Variants in PSG7 observed in about 807,000 individuals in gnomAD.
The protein encoded by PSG7 is pregnancy specific beta-1-glycoprotein 7, also known as pregnancy-specific beta-1-glycoprotein 7.
PSG7 carries 57 observed loss-of-function variants against 45.6 expected under a neutral mutation model. The ratio of observed to expected loss-of-function variants is 1.25; its 90% CI spans 1.01 to 1.56. PSG7 has a LOEUF of 1.56. Ranked by LOEUF, PSG7 falls within the 40% of genes most tolerant of loss-of-function variation. The pLI is 0.00. For missense variants in PSG7, 796 were observed against 508.4 expected (o/e 1.57, Z -5.44); for synonymous variants, 298 against 194.4 (o/e 1.53, Z -4.43).
Position 42,933,289 on chromosome 19 carries a change from A to ATTT in PSG7, c.430+2114_430+2115insAAA, listed in dbSNP as rs1973066872. ...TCAATATATATATATATATATATAT[A>ATTT]TATATATATATATATATATTTTTTT... is the stretch of plus-strand genomic sequence containing the variant. On this transcript the variant is annotated intron_variant, in intron 2 of 5. Coordinates refer to ENST00000406070, the MANE Select transcript of PSG7 (RefSeq NM_002783.3). Among the ~76,000 whole-genome samples the ATTT allele has an allele frequency of 2.2e-4, 2 of 8,916 alleles. 1 individual carries two copies. The highest frequency in any genetic ancestry group is 6.7e-4 in the African/African-American group (2 of 2,966). The allele number at this position is 8,916 out of a possible 152,430, so 5.8% of individuals were successfully genotyped here.
At chr19:42,933,759 G>T (rs1343996862) in intron 2 of PSG7, among the ~76,000 whole-genome samples, 6 of 151,060 alleles carry the variant, frequency 4.0e-5, no homozygotes, top group African/African-American at 1.5e-4. Flanking sequence ...AGCAGTGAGG[G>T]CTACACTGAC....
rs768161741 is a variant in PSG7, at chr19:42,924,821, C to G, written c.1247G>C (p.Trp416Ser). The part of the protein sequence containing the change: ...SKSVTVRVSD[W>S]TLP Reference sequence around the variant, plus strand: ...AACTAGTAGAATTCAGGGTAATGTCCAGTCTACAGTGGATAATAAAAACAC... The same window carrying G: ...AACTAGTAGAATTCAGGGTAATGTCGAGTCTACAGTGGATAATAAAAACAC... The change falls in exon 6 of 6, where the codon TGG (tryptophan) becomes TCG (serine). Residue 416 changes from tryptophan (W) to serine (S), a missense_variant. Transcript: ENST00000406070. The G allele has an allele frequency of 2.7e-6, 2 of 754,034 alleles. No individual in the cohort carries two copies. Among genetic ancestry groups the G allele is most frequent in the East Asian group, 4.9e-5 (2 of 41,148 alleles). 46.7% of individuals were successfully genotyped at this position (754,034 alleles called of 1,614,324 possible).
At chr19:42,927,566 T>G (rs1972924589) in intron 3 of PSG7, 1 of 151,662 alleles carries the variant, frequency 6.6e-6, no homozygotes, top group Admixed American at 6.6e-5. Context: ...AGTGTGGGAA[T>G]GAACTGCTGG....
chr19:42,935,871 A>AGGAC, intron 1 of PSG7, 102 bp from the exon 2 acceptor site: 1 of 999,726 alleles, frequency 1.0e-6, no homozygotes, highest in Non-Finnish European at 1.4e-6. Flanking sequence ...CTCAGCCTTG[A>AGGAC]AGACACACAC....
In PSG7 at chr19:42,935,714, G is replaced by C; in HGVS notation, c.120C>G (p.Ala40=). ...TCCCCTCGGAAACTTTTGGTGGCTG[G>C]GCTTCAATCGTGACTTGGGCTGTGG... The part of the protein sequence containing the change: ...PPTTAQVTIE[A]QPPKVSEGKD... Residue 40 remains alanine (A), a synonymous_variant, in exon 2 of 6, where the codon GCC becomes GCG. Coordinates refer to ENST00000406070, the MANE Select transcript of PSG7 (RefSeq NM_002783.3). 6.2e-7 allele frequency: 1 copy of C among 1,611,822 alleles called. No individual in the cohort carries two copies.
At chr19:42,926,204 G>T in intron 4 of PSG7, 177 bp from the exon 5 acceptor site, 1 of 1,394,018 alleles carries the variant, frequency 7.2e-7, no homozygotes, top group South Asian at 1.5e-5. Flanking sequence ...CCCATCACAA[G>T]CTGTGGGCCC....
rs114324673 is a variant in PSG7, at chr19:42,934,262, A to T, written c.430+1142T>A. Among the ~76,000 whole-genome samples, 1,373 of 151,412 alleles carry T rather than the reference A, an allele frequency of 9.1e-3. 55 individuals are homozygous for T. Among genetic ancestry groups the T allele is most frequent in the African/African-American group, 0.031 (1,280 of 41,250 alleles). On this transcript the variant is annotated intron_variant, in intron 2 of 5. Coordinates refer to ENST00000406070, the MANE Select transcript of PSG7 (RefSeq NM_002783.3). Reference sequence around the variant, plus strand: ...GTTGAGGCAGCTGATTTAGTTCTGGAGTGCAGACTAATCAGGTGACCACTT... The same window carrying T: ...GTTGAGGCAGCTGATTTAGTTCTGGTGTGCAGACTAATCAGGTGACCACTT...
Position 42,929,938 on chromosome 19 carries a change from G to A in PSG7, c.431-218C>T, listed in dbSNP as rs188458269. On this transcript the variant is annotated intron_variant, in intron 2 of 5. Transcript: ENST00000406070. ...GTGGGAGAAGCATGGACTTTCTCAA[G>A]TGTGAATTGAGCAGCAGCATTGGGT... is the stretch of plus-strand genomic sequence containing the variant. Among the ~76,000 whole-genome samples the A allele has an allele frequency of 2.5e-3, 378 of 151,686 alleles. 12 individuals are homozygous for A. The highest frequency in any genetic ancestry group is 7.5e-3 in the African/African-American group (309 of 41,312).
intron 3 of PSG7, among the ~76,000 whole-genome samples, chr19:42,927,986 C>T (rs946653429): frequency 1.3e-5 from 2 of 151,654 alleles, no homozygotes; most frequent in Non-Finnish European, 2.9e-5. Flanking sequence ...CTGATAGATT[C>T]AAAGTCTAAG....
intron 1 of PSG7, 25 bp downstream of exon 1, chr19:42,936,988 C>G: frequency 6.2e-7 from 1 of 1,609,194 alleles, no homozygotes; most frequent in Non-Finnish European, 8.5e-7. Context: ...TTTTCCTGTC[C>G]TCTCCCAGGA....
At chr19:42,936,083 G>A (rs1251810964) in intron 1 of PSG7, 4 of 364,660 alleles carry the variant, frequency 1.1e-5, no homozygotes, top group Non-Finnish European at 1.9e-5. Flanking sequence ...CCTCCACACT[G>A]CCCTCAGGTT....
At position 42,929,235 on chromosome 19, in the gene PSG7, T is replaced by C. The variant is rs1255726863; in HGVS notation, c.709+207A>G. 5.0e-6 allele frequency: 6 copies of C among 1,206,706 alleles called. 1 individual carries two copies. The African/African-American group carries it at 9.2e-5, about 18-fold the overall frequency. 74.7% of individuals were successfully genotyped at this position (1,206,706 alleles called of 1,614,324 possible). A position where few individuals can be genotyped will look rare whatever the true frequency, so the allele number is the denominator to read the frequency against. ...CATCACAAGCTGTGGACCCTGAGTC[T>C]CCCATGACAGGAGCAGCCTCTTTTC... On this transcript the variant is annotated intron_variant, in intron 3 of 5. Coordinates refer to ENST00000406070, the MANE Select transcript of PSG7 (RefSeq NM_002783.3).
Position 42,935,539 on chromosome 19 carries a change from C to A in PSG7, c.295G>T (p.Glu99Ter), listed in dbSNP as rs1973129013. 4 of 1,611,998 alleles carry A rather than the reference C, an allele frequency of 2.5e-6. No individual in the cohort carries two copies. The South Asian group carries it at 4.4e-5, about 18-fold the overall frequency. The change falls in exon 2 of 6, where the codon GAA becomes TAA. Residue 99 changes from glutamate to a stop codon, truncating the protein, a stop_gained. Coordinates refer to ENST00000406070, the MANE Select transcript of PSG7 (RefSeq NM_002783.3). LOFTEE classifies it high-confidence loss of function. ...IKYGPAYSGR[E>*]TVYSNASLLI... is the part of the protein sequence containing the mutation. ...AGGGATGCATTGGAATATACTGTTT[C>A]TCGTCCACTGTATGCAGGCCCATAT...
chr19:42,935,208 T>C (rs1973119242), intron 2 of PSG7, among the ~76,000 whole-genome samples, 196 bp downstream of exon 2: 1 of 151,824 alleles, frequency 6.6e-6, no homozygotes, highest in African/African-American at 2.4e-5. Context: ...TTCTGCAGGG[T>C]CTGGATGTGA....
chr19:42,931,566 C>G (rs780158299), intron 2 of PSG7, among the ~76,000 whole-genome samples: 10 of 151,542 alleles, frequency 6.6e-5, no homozygotes, highest in Non-Finnish European at 1.2e-4. Flanking sequence ...TTCATTTTCT[C>G]TTAAGCTCAG....
intron 2 of PSG7, among the ~76,000 whole-genome samples, chr19:42,930,471 C>T (rs1234498376): frequency 1.3e-5 from 2 of 151,646 alleles, no homozygotes; most frequent in African/African-American, 4.9e-5. Context: ...GCTCCCTTTC[C>T]CCTGTAGAGG....
Position 42,929,546 on chromosome 19 carries a change from A to G in PSG7, c.605T>C (p.Leu202Pro), listed in dbSNP as rs770350520. Residue 202 changes from leucine (L) to proline (P), a missense_variant, in exon 3 of 6, where the codon CTC (leucine) becomes CCC (proline). Coordinates refer to ENST00000406070, the MANE Select transcript of PSG7 (RefSeq NM_002783.3). ...SLQLSETNRT[L>P]YLFGVTNYTA... ...ATAGTTTGTGACACCAAATAGGTAG[A>G]GGGTCCTGTTGGTTTCAGACAGCTG... 1.2e-6 allele frequency: 2 copies of G among 1,612,490 alleles called. No individual in the cohort carries two copies. The highest frequency in any genetic ancestry group is 2.7e-5 in the African/African-American group (2 of 74,686).
At chr19:42,926,368 C>T in intron 4 of PSG7, 70 bp downstream of exon 4, 4 of 1,593,520 alleles carry the variant, frequency 2.5e-6, no homozygotes, top group Non-Finnish European at 3.4e-6. Flanking sequence ...AGAGGACTGG[C>T]CTCTGGTCGT....
rs191942944 is a variant in PSG7, at chr19:42,926,560, C to A, written c.866G>T (p.Arg289Leu). The A allele has an allele frequency of 6.2e-7, 1 of 1,610,232 alleles. No individual in the cohort carries two copies. Among genetic ancestry groups the A allele is most frequent in the Non-Finnish European group, 8.5e-7 (1 of 1,178,994 alleles). The change falls in exon 4 of 6, where the codon CGC becomes CTC. Residue 289 changes from arginine to leucine, a missense_variant. Transcript: ENST00000406070. Reference sequence around the variant, plus strand: ...TAGAATGAGGATCCTGTTTTCAATGCGTCGCTTTACCCTGGGACTGACCGG... The same window carrying A: ...TAGAATGAGGATCCTGTTTTCAATGAGTCGCTTTACCCTGGGACTGACCGG... ...SLPVSPRVKR[R>L]IENRILILPS...
Sources: allele counts gnomAD v4.1 joint callset (sites outside exome capture counted in the v4.1 genomes callset), GRCh38; gene constraint gnomAD v4.1.1; transcripts MANE v1.5; gene names NCBI Gene and HGNC (gene_info 2026-07-23, HGNC 2026-07-21).